The following PITPNM2 variants were observed in gnomAD, a reference collection of about 807,000 sequenced individuals.
The protein encoded by PITPNM2 is membrane-associated phosphatidylinositol transfer protein 2.
PITPNM2 carries 35 observed loss-of-function variants against 132.2 expected under a neutral mutation model. The observed-to-expected ratio is 0.26, with a 90% confidence interval of 0.20 to 0.35. The LOEUF is 0.35. Among genes scored for constraint, PITPNM2 ranks in the 10% least tolerant of loss-of-function variants. PITPNM2 has a pLI of 1.00. For synonymous variants in PITPNM2, 738 were observed against 799.2 expected, an observed-to-expected ratio of 0.92 and a Z score of 1.29; for missense variants, 1,332 against 1,912.0, an observed-to-expected ratio of 0.70 and a Z score of 5.66.
chr12:123,036,085 C>T lies in PITPNM2; in HGVS notation c.-95-1400G>A, dbSNP rs565668551. 6.2e-4 allele frequency among the ~76,000 whole-genome samples: 95 copies of T among 152,266 alleles called. No individual in the cohort carries two copies. Among genetic ancestry groups the T allele is most frequent in the African/African-American group, 2.0e-3 (84 of 41,552 alleles). On this transcript the variant is annotated intron_variant, in intron 2 of 25. Coordinates refer to ENST00000320201, the MANE Select transcript of PITPNM2 (RefSeq NM_020845.3). This position sits in a 1 kb window ranked among gnomAD's most constrained non-coding sequence, Gnocchi z 4.1. ...GCAGCCAGGGAGGATTCACAGTGAC[C>T]ATGGGCAGGACTCCTGCTAAGTGAT... is the stretch of plus-strand genomic sequence containing the variant.
At chr12:123,033,336 G>A in intron 3 of PITPNM2, among the ~76,000 whole-genome samples, 1 of 152,334 alleles carries the variant, frequency 6.6e-6, no homozygotes, top group East Asian at 1.9e-4. Flanking sequence ...GCCAGCAGGA[G>A]AGCTGGGATG....
chr12:123,118,039 A>G (rs555235089), intron 1 of PITPNM2, among the ~76,000 whole-genome samples: 15 of 152,354 alleles, frequency 9.8e-5, no homozygotes, highest in African/African-American at 3.6e-4. Context: ...AATTCACCAC[A>G]TGGAGGCCAC....
chr12:123,056,323 C>T (rs1213028898), intron 2 of PITPNM2, among the ~76,000 whole-genome samples: 3 of 152,240 alleles, frequency 2.0e-5, no homozygotes, highest in Non-Finnish European at 4.4e-5. Flanking sequence ...AGCTTTCAGG[C>T]AGTCTGGGAG....
intron 8 of PITPNM2, 80 bp from the exon 9 acceptor site, chr12:123,001,238 G>T: frequency 1.9e-6 from 2 of 1,075,156 alleles, no homozygotes; most frequent in Non-Finnish European, 2.9e-6. Context: ...ACGCCCCTGT[G>T]TACGGCTCTG....
At position 123,077,279 on chromosome 12, in the gene PITPNM2, G is replaced by T. The variant is rs970345792; in HGVS notation, c.-96+33106C>A. The stretch of plus-strand genomic sequence containing the variant: ...TCTTGGTTATGGGGGATATCGGGGT[G>T]GGGAGGGACACCCCTTGTTATCAGG... On this transcript the variant is annotated intron_variant, in intron 2 of 25. Coordinates refer to ENST00000320201, the MANE Select transcript of PITPNM2 (RefSeq NM_020845.3). The surrounding 1 kb of genome is among the most constrained non-coding windows in gnomAD (Gnocchi z 4.8). Among the ~76,000 whole-genome samples, 1 of 152,162 alleles carries T rather than the reference G, an allele frequency of 6.6e-6. No homozygotes were observed. Among genetic ancestry groups the T allele is most frequent in the Non-Finnish European group, 1.5e-5 (1 of 68,028 alleles).
At chr12:123,086,044 C>T (rs755859067) in intron 2 of PITPNM2, among the ~76,000 whole-genome samples, 1 of 152,252 alleles carries the variant, frequency 6.6e-6, no homozygotes, top group Non-Finnish European at 1.5e-5. Context: ...CTGAAATGCA[C>T]TTCCCGATAT....
intron 2 of PITPNM2, among the ~76,000 whole-genome samples, chr12:123,061,527 G>T (rs908326838): frequency 6.6e-6 from 1 of 152,262 alleles, no homozygotes; most frequent in African/African-American, 2.4e-5. Flanking sequence ...CGTCAGGCAT[G>T]GCTTGGGCAG....
At chr12:123,136,851 T>G (rs544202031) in intron 1 of PITPNM2, among the ~76,000 whole-genome samples, 1 of 152,254 alleles carries the variant, frequency 6.6e-6, no homozygotes, top group East Asian at 1.9e-4. Flanking sequence ...GAGCCGAGAT[T>G]GTGCCACTGC....
chr12:123,054,741 A>C (rs1402538700), intron 2 of PITPNM2, among the ~76,000 whole-genome samples: 1 of 152,204 alleles, frequency 6.6e-6, no homozygotes, highest in East Asian at 1.9e-4. Context: ...TCACTTGCTG[A>C]GCAAACCCTT....
In PITPNM2 at chr12:122,996,801, C is replaced by G; in HGVS notation, c.1582G>C (p.Val528Leu). ...TTGGCTCGCTGAATCACTGTGGCAA[C>G]TGCCTCCTGGTACTGGGGGGAGGAG... is the stretch of plus-strand genomic sequence containing the variant. Reference protein sequence around the residue: ...ATSSPQYQEAVATVIQRANLA... With the variant: ...ATSSPQYQEALATVIQRANLA... The change falls in exon 12 of 26, where the codon GTT becomes CTT. Residue 528 changes from valine (V) to leucine (L), a missense_variant. Val to Leu is a conservative substitution (Grantham distance 32). Transcript: ENST00000320201. 6.2e-7 allele frequency: 1 copy of G among 1,609,950 alleles called. No homozygotes were observed. Among genetic ancestry groups the G allele is most frequent in the Non-Finnish European group, 8.5e-7 (1 of 1,178,992 alleles).
chr12:123,074,387 C>T (rs1430639492), intron 2 of PITPNM2, among the ~76,000 whole-genome samples: 1 of 152,082 alleles, frequency 6.6e-6, no homozygotes, highest in Admixed American at 6.5e-5. Context: ...GCCACACTCA[C>T]ATTCACTGCA....
chr12:123,115,515 G>A (rs2137383646), intron 1 of PITPNM2, among the ~76,000 whole-genome samples: 1 of 151,996 alleles, frequency 6.6e-6, no homozygotes, highest in South Asian at 2.1e-4. Flanking sequence ...AGAAGTTGAT[G>A]GAGGGAAAAA....
Position 122,995,594 on chromosome 12 carries a change from C to T in PITPNM2, c.1849G>A (p.Gly617Ser), listed in dbSNP as rs759761818. ...AAHCCGGGGG[G>S]GGGGGSSGGG... ...CCACTGCTGCCACCACCGCCACCGC[C>T]GCCACCGCCACCACCGCAGCAGTGT... The change falls in exon 14 of 26, where the codon GGC becomes AGC. Residue 617 changes from glycine (G) to serine (S), a missense_variant. Gly to Ser is a moderately conservative substitution (Grantham distance 56). Transcript: ENST00000320201. 58 of 1,605,018 alleles carry T rather than the reference C, an allele frequency of 3.6e-5. No individual in the cohort carries two copies. The East Asian group carries it at 8.3e-4, about 23-fold the overall frequency.
At chr12:123,034,798 T>A in intron 2 of PITPNM2, 113 bp from the exon 3 acceptor site, 1 of 556,376 alleles carries the variant, frequency 1.8e-6, no homozygotes, top group South Asian at 2.4e-5. Flanking sequence ...TGGCCTCTGA[T>A]CAGGCATGAT....
chr12:122,996,989 C>A, intron 11 of PITPNM2, 79 bp from the exon 12 acceptor site: 1 of 1,311,138 alleles, frequency 7.6e-7, no homozygotes, highest in South Asian at 1.5e-5. Flanking sequence ...ACCTGAGTCT[C>A]AGCCATGGAC....
chr12:123,097,664 T>C lies in PITPNM2; in HGVS notation c.-96+12721A>G, dbSNP rs1167425425. On this transcript the variant is annotated intron_variant, in intron 2 of 25. Transcript: ENST00000320201. The surrounding 1 kb of genome is among the most constrained non-coding windows in gnomAD (Gnocchi z 4.7). ...GCCTCACTTGCCTGCCTGCCTGCCT[T>C]CCTTGCCTGCCTGTCTGCCTTCCAC... Among the ~76,000 whole-genome samples, 1 of 152,184 alleles carries C rather than the reference T, an allele frequency of 6.6e-6. No homozygotes were observed. Among genetic ancestry groups the C allele is most frequent in the East Asian group, 1.9e-4 (1 of 5,196 alleles).
intron 1 of PITPNM2, among the ~76,000 whole-genome samples, chr12:123,128,066 TG>T (rs2043184682): frequency 6.6e-6 from 1 of 151,928 alleles, no homozygotes; most frequent in East Asian, 1.9e-4. Context: ...AATGCTTTTT[TG>T]ATGCAATACC....
chr12:123,064,422 G>A lies in PITPNM2; in HGVS notation c.-95-29737C>T, dbSNP rs1427426329. 2.0e-5 allele frequency among the ~76,000 whole-genome samples: 3 copies of A among 152,230 alleles called. No individual in the cohort carries two copies. The highest frequency in any genetic ancestry group is 4.4e-5 in the Non-Finnish European group (3 of 68,036). On this transcript the variant is annotated intron_variant, in intron 2 of 25. Transcript: ENST00000320201. The surrounding 1 kb of genome is among the most constrained non-coding windows in gnomAD (Gnocchi z 4.0). ...CACCACGGGGCACAGGTATGTGCAGGAGCATCAAGACCTGGGCTGGGGGTG... is the reference window on the plus strand; with the variant it reads ...CACCACGGGGCACAGGTATGTGCAGAAGCATCAAGACCTGGGCTGGGGGTG...
At chr12:123,074,739 T>C (rs1293303071) in intron 2 of PITPNM2, among the ~76,000 whole-genome samples, 1 of 152,130 alleles carries the variant, frequency 6.6e-6, no homozygotes, top group Admixed American at 6.5e-5. Context: ...TCAGAAGCCC[T>C]GGACAGAAAG....
Sources: gnomAD v4.1 joint callset for allele counts (sites outside exome capture counted in the v4.1 genomes callset) on GRCh38, gnomAD v4.1.1 for gene constraint, Gnocchi (gnomAD v3.1) non-coding constraint, MANE v1.5 for transcripts, NCBI Gene and HGNC (gene_info 2026-07-23, HGNC 2026-07-21) for gene names.